The following CNTNAP5 variants were observed in gnomAD, a reference collection of about 807,000 sequenced individuals.
CNTNAP5 encodes contactin-associated protein-like 5.
A neutral mutation model predicts 150.2 loss-of-function variants in CNTNAP5; 72 were observed. The ratio of observed to expected loss-of-function variants is 0.48; its 90% CI spans 0.40 to 0.58. The LOEUF (loss-of-function observed/expected upper bound fraction) is 0.58. Among genes scored for constraint, CNTNAP5 ranks in the 20% least tolerant of loss-of-function variants. CNTNAP5 has a pLI of 0.00. For synonymous variants in CNTNAP5, 672 were observed against 619.8 expected, an observed-to-expected ratio of 1.08 and a Z score of -1.25; for missense variants, 1,636 against 1,626.2, an observed-to-expected ratio of 1.01 and a Z score of -0.10.
intron 22 of CNTNAP5, among the ~76,000 whole-genome samples, chr2:124,904,293 T>C (rs529365586): frequency 6.6e-6 from 1 of 152,246 alleles, no homozygotes; most frequent in Non-Finnish European, 1.5e-5. Context: ...TTCCATAGTG[T>C]CACAAATGGC....
intron 3 of CNTNAP5, among the ~76,000 whole-genome samples, chr2:124,365,731 G>A (rs1690355119): frequency 6.6e-6 from 1 of 152,024 alleles, no homozygotes; most frequent in Admixed American, 6.5e-5. Context: ...ATATGAGACT[G>A]ACAATTAACT....
chr2:124,284,875 G>A (rs1465676040), intron 3 of CNTNAP5, among the ~76,000 whole-genome samples: 1 of 152,136 alleles, frequency 6.6e-6, no homozygotes, highest in Admixed American at 6.5e-5. Flanking sequence ...TGGGGAATGA[G>A]AGAAATGACA....
rs761052198 is a variant in CNTNAP5, at chr2:124,446,840, T to C, written c.821T>C (p.Ile274Thr). 10 of 1,613,796 alleles carry C rather than the reference T, an allele frequency of 6.2e-6. 1 individual carries two copies. Among genetic ancestry groups the C allele is most frequent in the South Asian group, 4.4e-5 (4 of 91,052 alleles). Residue 274 changes from isoleucine (I) to threonine (T), a missense_variant, in exon 6 of 24, where the codon ATT (isoleucine) becomes ACT (threonine). Physicochemically the swap from Ile to Thr is moderately conservative, Grantham distance 89. Coordinates refer to ENST00000682447, the MANE Select transcript of CNTNAP5 (RefSeq NM_001367498.1). ...LDDQHWHSVL[I>T]ERVGKQVNFT... is the part of the protein sequence containing the mutation. ...GACCAGCACTGGCACTCGGTCCTCA[T>C]TGAGCGGGTGGGCAAGCAGGTGAAC...
intron 20 of CNTNAP5, among the ~76,000 whole-genome samples, chr2:124,866,956 T>C (rs1384811043): frequency 6.6e-6 from 1 of 152,176 alleles, no homozygotes; most frequent in African/African-American, 2.4e-5. Flanking sequence ...GAAGAGAATA[T>C]CCGCACATTC....
intron 6 of CNTNAP5, among the ~76,000 whole-genome samples, chr2:124,466,717 T>C (rs1481321958): frequency 6.6e-6 from 1 of 152,166 alleles, no homozygotes; most frequent in Non-Finnish European, 1.5e-5. Context: ...AACTGTAAGT[T>C]GCCAACGAAT....
intron 3 of CNTNAP5, among the ~76,000 whole-genome samples, chr2:124,310,387 G>T (rs1240656670): frequency 2.6e-5 from 4 of 152,016 alleles, no homozygotes; most frequent in African/African-American, 9.7e-5. Context: ...TACTTAGTGG[G>T]TTGGTAAACT....
At chr2:124,752,489 G>GA (rs1052235110) in intron 14 of CNTNAP5, among the ~76,000 whole-genome samples, 1 of 151,628 alleles carries the variant, frequency 6.6e-6, no homozygotes, top group Admixed American at 6.6e-5. Context: ...GGTGGGGAGA[G>GA]AAAAAAAAGT....
chr2:124,386,308 AT>A (rs1390706417), intron 3 of CNTNAP5, among the ~76,000 whole-genome samples: 10 of 152,190 alleles, frequency 6.6e-5, no homozygotes, highest in Non-Finnish European at 1.5e-4. Flanking sequence ...TTTCCTATAA[AT>A]GAGGTACTAA....
intron 21 of CNTNAP5, among the ~76,000 whole-genome samples, chr2:124,881,236 A>G (rs1677957864): frequency 6.6e-6 from 1 of 152,128 alleles, no homozygotes; most frequent in South Asian, 2.1e-4. Flanking sequence ...AGAGACTGGT[A>G]TGCAGGCTAT....
At chr2:124,112,823 G>A (rs1211029391) in intron 1 of CNTNAP5, among the ~76,000 whole-genome samples, 3 of 152,002 alleles carry the variant, frequency 2.0e-5, no homozygotes, top group Non-Finnish European at 4.4e-5. Flanking sequence ...TAAACAGAAT[G>A]TATCATTTTG....
At chr2:124,792,422 T>A (rs1026520859) in intron 18 of CNTNAP5, among the ~76,000 whole-genome samples, 7 of 152,192 alleles carry the variant, frequency 4.6e-5, no homozygotes, top group Admixed American at 3.3e-4. Flanking sequence ...CATTTTTTCT[T>A]TATGACCCTA....
At chr2:124,293,653 C>T (rs780020) in intron 3 of CNTNAP5, among the ~76,000 whole-genome samples, 48,771 of 151,888 alleles carry the variant, frequency 0.32, 8,027 homozygotes, top group Admixed American at 0.39. Flanking sequence ...TGGCCGTGTT[C>T]TATGCATTAT....
At chr2:124,765,078 C>A (rs17393599) in intron 16 of CNTNAP5, among the ~76,000 whole-genome samples, 48,223 of 151,738 alleles carry the variant, frequency 0.32, 8,810 homozygotes, top group Non-Finnish European at 0.43. Flanking sequence ...TCATATGAAG[C>A]AAGAGCTATA....
chr2:124,356,959 C>A (rs981705305), intron 3 of CNTNAP5, among the ~76,000 whole-genome samples: 2 of 152,102 alleles, frequency 1.3e-5, no homozygotes, highest in African/African-American at 4.8e-5. Flanking sequence ...CACATCCTCT[C>A]CAGCACCTGT....
intron 12 of CNTNAP5, among the ~76,000 whole-genome samples, chr2:124,643,613 T>G (rs1358350546): frequency 6.6e-6 from 1 of 152,190 alleles, no homozygotes; most frequent in African/African-American, 2.4e-5. Flanking sequence ...CGCAGTCCTC[T>G]AAGGAATGAA....
intron 1 of CNTNAP5, among the ~76,000 whole-genome samples, chr2:124,185,079 T>C (rs1454983688): frequency 2.6e-5 from 4 of 152,244 alleles, no homozygotes; most frequent in Non-Finnish European, 5.9e-5. Context: ...GAAACAGTTA[T>C]CATTAACCCA....
intron 6 of CNTNAP5, among the ~76,000 whole-genome samples, chr2:124,460,591 G>C (rs1244055307): frequency 2.6e-5 from 4 of 152,128 alleles, no homozygotes; most frequent in African/African-American, 4.8e-5. Context: ...CATTTTGCCT[G>C]ACATATAAAA....
intron 17 of CNTNAP5, among the ~76,000 whole-genome samples, chr2:124,782,595 C>T (rs1182581801): frequency 2.0e-5 from 3 of 151,856 alleles, no homozygotes; most frequent in Non-Finnish European, 4.4e-5. Context: ...CAATTGCTCA[C>T]ATTTTTTTTT....
At chr2:124,038,481 C>T (rs1434118485) in intron 1 of CNTNAP5, among the ~76,000 whole-genome samples, 1 of 151,960 alleles carries the variant, frequency 6.6e-6, no homozygotes, top group African/African-American at 2.4e-5. Context: ...ACAACGGGAG[C>T]TATCAAAAAA....
Sources: allele counts gnomAD v4.1 joint callset (sites outside exome capture counted in the v4.1 genomes callset), GRCh38; gene constraint gnomAD v4.1.1; transcripts MANE v1.5; gene names NCBI Gene and HGNC (gene_info 2026-07-23, HGNC 2026-07-21).